XKR4: variants seen among roughly 807,000 people sequenced by gnomAD.
The protein encoded by XKR4 is XK-related protein 4.
XKR4 carries 12 observed loss-of-function variants against 53.9 expected under a neutral mutation model. The ratio of observed to expected loss-of-function variants is 0.22; its 90% CI spans 0.14 to 0.36. The LOEUF (loss-of-function observed/expected upper bound fraction) is 0.36. Among genes scored for constraint, XKR4 ranks in the 10% least tolerant of loss-of-function variants. The probability of loss-of-function intolerance (pLI) is 1.00; values close to 1 mark genes in which losing one functional copy is unlikely to be tolerated. For missense variants in XKR4, 799 were observed against 859.5 expected (o/e 0.93, Z 0.88); for synonymous variants, 354 against 362.4 (o/e 0.98, Z 0.26).
chr8:55,477,694 C>T (rs556835500), intron 2 of XKR4, among the ~76,000 whole-genome samples: 217 of 132,472 alleles, frequency 1.6e-3, no homozygotes, highest in South Asian at 3.1e-3. Flanking sequence ...GGATAACCAA[C>T]GCAGAGAGTC....
intron 1 of XKR4, among the ~76,000 whole-genome samples, chr8:55,213,614 G>T (rs1335556242): frequency 6.6e-6 from 1 of 152,084 alleles, no homozygotes; most frequent in Non-Finnish European, 1.5e-5. Context: ...AGGCAAGAAG[G>T]GGGTTTGTTT....
intron 1 of XKR4, among the ~76,000 whole-genome samples, chr8:55,131,577 T>A (rs1816554534): frequency 6.6e-6 from 1 of 152,200 alleles, no homozygotes. Flanking sequence ...CTTCAGCACA[T>A]TAGATGCCTC....
intron 1 of XKR4, among the ~76,000 whole-genome samples, chr8:55,287,390 C>A (rs574535507): frequency 6.6e-6 from 1 of 152,322 alleles, no homozygotes; most frequent in Non-Finnish European, 1.5e-5. Flanking sequence ...ATATTAGAGG[C>A]TTCACATGTG....
At chr8:55,423,507 T>C (rs748232758) in intron 2 of XKR4, among the ~76,000 whole-genome samples, 1 of 152,238 alleles carries the variant, frequency 6.6e-6, no homozygotes, top group Non-Finnish European at 1.5e-5. Flanking sequence ...CATCTTTCCT[T>C]GTCTGGCTTA....
chr8:55,289,540 AGAAGGAAG>A (rs142907908), intron 1 of XKR4, among the ~76,000 whole-genome samples: 36,724 of 102,346 alleles, frequency 0.36, 8,753 homozygotes, highest in Non-Finnish European at 0.46. Flanking sequence ...AAAGAAAGAA[AGAAGGAAG>A]GAAGGAAGGA....
At chr8:55,502,091 T>C (rs980670437) in intron 2 of XKR4, among the ~76,000 whole-genome samples, 2 of 152,194 alleles carry the variant, frequency 1.3e-5, no homozygotes, top group Non-Finnish European at 2.9e-5. Flanking sequence ...ACATTTTGAG[T>C]ACAGAGACAA....
chr8:55,245,541 G>A (rs367955842), intron 1 of XKR4, among the ~76,000 whole-genome samples: 7 of 152,018 alleles, frequency 4.6e-5, no homozygotes, highest in Admixed American at 3.3e-4. Context: ...TGATTGCATC[G>A]CTGTTTTCTT....
chr8:55,504,769 A>T (rs1008523481), intron 2 of XKR4, among the ~76,000 whole-genome samples: 1 of 151,968 alleles, frequency 6.6e-6, no homozygotes, highest in African/African-American at 2.4e-5. Context: ...TTATTTCTTT[A>T]TGATTCAGTC....
chr8:55,301,784 T>A (rs1208697611), intron 1 of XKR4, among the ~76,000 whole-genome samples: 2 of 152,252 alleles, frequency 1.3e-5, no homozygotes, highest in Non-Finnish European at 2.9e-5. Context: ...TTTGGCTGCA[T>A]AAATGTCTTC....
chr8:55,233,633 T>C (rs1258783938), intron 1 of XKR4, among the ~76,000 whole-genome samples: 1 of 152,266 alleles, frequency 6.6e-6, no homozygotes, highest in African/African-American at 2.4e-5. Flanking sequence ...TCACACTGCA[T>C]ATTTGTCATG....
intron 1 of XKR4, among the ~76,000 whole-genome samples, chr8:55,339,751 TCTTA>T (rs777495017): frequency 5.3e-5 from 8 of 152,222 alleles, no homozygotes; most frequent in Admixed American, 1.3e-4. Context: ...TTTCAATTAA[TCTTA>T]CTTTAGTTTT....
intron 2 of XKR4, among the ~76,000 whole-genome samples, chr8:55,462,924 ACTAT>A (rs1334398925): frequency 3.3e-5 from 5 of 152,180 alleles, no homozygotes; most frequent in Admixed American, 3.3e-4. Flanking sequence ...AGAAGAACTA[ACTAT>A]CCTAAATATA....
At chr8:55,320,108 G>A (rs1026395872) in intron 1 of XKR4, among the ~76,000 whole-genome samples, 12 of 152,262 alleles carry the variant, frequency 7.9e-5, no homozygotes, top group African/African-American at 2.4e-4. Flanking sequence ...CAGCCAGTGC[G>A]TTCAATGTGT....
intron 1 of XKR4, among the ~76,000 whole-genome samples, chr8:55,231,533 T>TA (rs1175410682): frequency 6.6e-6 from 1 of 152,210 alleles, no homozygotes; most frequent in Non-Finnish European, 1.5e-5. Flanking sequence ...TGCTTGTTTT[T>TA]ATCCCCAGCC....
chr8:55,307,673 T>C (rs1321232468), intron 1 of XKR4, among the ~76,000 whole-genome samples: 1 of 151,900 alleles, frequency 6.6e-6, no homozygotes, highest in Non-Finnish European at 1.5e-5. Flanking sequence ...AGAGAATCTA[T>C]AGATGGGTAG....
chr8:55,517,594 C>T (rs1167654574), intron 2 of XKR4: 1 of 152,182 alleles, frequency 6.6e-6, no homozygotes, highest in Non-Finnish European at 1.5e-5. Context: ...GCGAGCACAG[C>T]ATTTTCTATC....
intron 1 of XKR4, among the ~76,000 whole-genome samples, chr8:55,157,112 A>G (rs1262439099): frequency 6.6e-6 from 1 of 152,242 alleles, no homozygotes; most frequent in Non-Finnish European, 1.5e-5. Context: ...GGAATTGTAG[A>G]ACAAACCACC....
chr8:55,321,859 C>T (rs149517590), intron 1 of XKR4, among the ~76,000 whole-genome samples: 13 of 152,164 alleles, frequency 8.5e-5, no homozygotes, highest in Non-Finnish European at 1.6e-4. Flanking sequence ...CGTGGTGGCA[C>T]GCGCCTGTAG....
intron 1 of XKR4, among the ~76,000 whole-genome samples, chr8:55,238,100 G>C (rs948114970): frequency 6.6e-6 from 1 of 152,176 alleles, no homozygotes; most frequent in Non-Finnish European, 1.5e-5. Context: ...GAATTAATTT[G>C]TAGGCAAAGC....
Sources: allele counts gnomAD v4.1 joint callset (sites outside exome capture counted in the v4.1 genomes callset), GRCh38; gene constraint gnomAD v4.1.1; transcripts MANE v1.5; gene names NCBI Gene and HGNC (gene_info 2026-07-23, HGNC 2026-07-21).